ANKIB1: variants seen among roughly 807,000 people sequenced by gnomAD.
ANKIB1 encodes ankyrin repeat and IBR domain-containing protein 1.
Under a neutral mutation model 122.1 loss-of-function variants are expected in ANKIB1, and 43 were observed. The observed-to-expected ratio is 0.35, with a 90% confidence interval of 0.28 to 0.45. ANKIB1 has a LOEUF of 0.45. Ranked by LOEUF, ANKIB1 falls within the 20% of genes least tolerant of loss-of-function variation. The pLI is 1.00. For synonymous variants in ANKIB1, 390 were observed against 442.0 expected (o/e 0.88, Z 1.48); for missense variants, 992 against 1,329.5 (o/e 0.75, Z 3.95).
chr7:92,265,871 G>A (rs1031016587), intron 1 of ANKIB1, among the ~76,000 whole-genome samples: 1 of 152,222 alleles, frequency 6.6e-6, no homozygotes, highest in Non-Finnish European at 1.5e-5. Context: ...AGTACAAGAT[G>A]TCAAGTAGGC....
At chr7:92,284,180 GTTTT>G (rs1424979480) in intron 1 of ANKIB1, among the ~76,000 whole-genome samples, 1 of 152,144 alleles carries the variant, frequency 6.6e-6, no homozygotes, top group Non-Finnish European at 1.5e-5. Context: ...CTCAAGCAGA[GTTTT>G]TTTGTTTATA....
At chr7:92,295,567 A>G (rs1802337982) in intron 2 of ANKIB1, among the ~76,000 whole-genome samples, 1 of 152,178 alleles carries the variant, frequency 6.6e-6, no homozygotes, top group African/African-American at 2.4e-5. Context: ...GCTGTCAAAA[A>G]AATGCAGGGA....
chr7:92,261,390 G>GTTTGTTTTGTTTTGT (rs3041533), intron 1 of ANKIB1, among the ~76,000 whole-genome samples: 20 of 145,082 alleles, frequency 1.4e-4, no homozygotes, highest in East Asian at 4.3e-4. Flanking sequence ...TATGTTTTTT[G>GTTTGTTTTGTTTTGT]TTTGTTTTGT....
chr7:92,329,178 G>C (rs771836409), intron 5 of ANKIB1, among the ~76,000 whole-genome samples: 1 of 151,960 alleles, frequency 6.6e-6, no homozygotes, highest in Non-Finnish European at 1.5e-5. Flanking sequence ...ATGTTGGCCA[G>C]GCTGGTCTCT....
chr7:92,283,303 A>C (rs1802048729), intron 1 of ANKIB1, among the ~76,000 whole-genome samples: 1 of 152,200 alleles, frequency 6.6e-6, no homozygotes, highest in East Asian at 1.9e-4. Context: ...TCTCGGTTAA[A>C]ATATTTTTCT....
At chr7:92,252,811 G>C (rs1456071470) in intron 1 of ANKIB1, among the ~76,000 whole-genome samples, 1 of 151,772 alleles carries the variant, frequency 6.6e-6, no homozygotes, top group Non-Finnish European at 1.5e-5. Context: ...AGCTGTTCCT[G>C]GTTCATCTTG....
At chr7:92,250,344 G>C (rs1390403179) in intron 1 of ANKIB1, among the ~76,000 whole-genome samples, 1 of 152,208 alleles carries the variant, frequency 6.6e-6, no homozygotes, top group Non-Finnish European at 1.5e-5. Context: ...AGTGAGCCGA[G>C]ATCACGCCAT....
At chr7:92,390,619 T>C (rs1467197993) in intron 15 of ANKIB1, among the ~76,000 whole-genome samples, 4 of 152,210 alleles carry the variant, frequency 2.6e-5, no homozygotes, top group Non-Finnish European at 5.9e-5. Context: ...CTAAACTTTC[T>C]CCTGTTACAG....
chr7:92,396,838 C>T (rs1804906381), intron 18 of ANKIB1, among the ~76,000 whole-genome samples: 2 of 152,128 alleles, frequency 1.3e-5, no homozygotes, highest in Admixed American at 6.5e-5. Flanking sequence ...CCTAGTGAAG[C>T]ACTCAGTTAA....
At position 92,344,865 on chromosome 7, in the gene ANKIB1, A is replaced by G. The variant is rs1803508180; in HGVS notation, c.997-113A>G. ...AAAACTTTGAAAGAGGTAACTTTCAAAAACTTTTAATTACTGTACTAGTAT... is the reference window on the plus strand; with the variant it reads ...AAAACTTTGAAAGAGGTAACTTTCAGAAACTTTTAATTACTGTACTAGTAT... On this transcript the variant is annotated intron_variant, in intron 6 of 19. Transcript: ENST00000265742. 4 of 782,402 alleles carry G rather than the reference A, an allele frequency of 5.1e-6. No individual in the cohort carries two copies. In the East Asian group the frequency reaches 1.1e-4, roughly 22 times the overall value. 48.5% of individuals were successfully genotyped at this position (782,402 alleles called of 1,614,324 possible). A position where few individuals can be genotyped will look rare whatever the true frequency, so the allele number is the denominator to read the frequency against.
At chr7:92,394,303 T>C (rs554714983) in intron 17 of ANKIB1, among the ~76,000 whole-genome samples, 13 of 152,220 alleles carry the variant, frequency 8.5e-5, no homozygotes, top group Non-Finnish European at 1.9e-4. Flanking sequence ...TTCTGTATCC[T>C]TAACATTCTC....
intron 1 of ANKIB1, among the ~76,000 whole-genome samples, chr7:92,259,496 A>G (rs1290939439): frequency 6.6e-6 from 1 of 152,218 alleles, no homozygotes; most frequent in Non-Finnish European, 1.5e-5. Context: ...TGGGATGGGC[A>G]GGATGAAAAT....
In ANKIB1 at chr7:92,317,295, G is replaced by A. The variant is rs1455014107; in HGVS notation, c.487-2035G>A. ...CTCTTGGAGATCAGAATGACATTTTGATTCAGAGGCCTGGGCTTGGAGGGG... is the reference window on the plus strand; with the variant it reads ...CTCTTGGAGATCAGAATGACATTTTAATTCAGAGGCCTGGGCTTGGAGGGG... On this transcript the variant is annotated intron_variant, in intron 3 of 19. Transcript: ENST00000265742. 2.0e-5 allele frequency among the ~76,000 whole-genome samples: 3 copies of A among 152,138 alleles called. No individual in the cohort carries two copies. The South Asian group carries it at 6.2e-4, about 31-fold the overall frequency.
At chr7:92,337,960 GC>G (rs1443762586) in intron 5 of ANKIB1, among the ~76,000 whole-genome samples, 2 of 152,098 alleles carry the variant, frequency 1.3e-5, no homozygotes, top group Non-Finnish European at 2.9e-5. Context: ...AAAAATCTAG[GC>G]CTTTACATTC....
intron 8 of ANKIB1, 120 bp from the exon 9 acceptor site, chr7:92,352,330 AATTTCTTGAGACTGACAACTCCATGC>A (rs1803682668): frequency 2.5e-6 from 2 of 813,366 alleles, no homozygotes; most frequent in Non-Finnish European, 3.7e-6. Flanking sequence ...GTACTATTTA[AATTTCTTGAGACTGACAACTCCATGC>A]ATTTTATTTC....
chr7:92,261,324 G>A (rs1336949434), intron 1 of ANKIB1, among the ~76,000 whole-genome samples: 1 of 149,458 alleles, frequency 6.7e-6, no homozygotes, highest in Non-Finnish European at 1.5e-5. Context: ...ACTCCAGCCT[G>A]GGCGACAGAG....
intron 9 of ANKIB1, among the ~76,000 whole-genome samples, chr7:92,355,885 A>ATAG (rs1275577575): frequency 1.4e-5 from 2 of 145,034 alleles, no homozygotes; most frequent in Non-Finnish European, 3.0e-5. Flanking sequence ...AATAATAATA[A>ATAG]TAGTAATAGT....
chr7:92,256,263 A>G (rs1801443733), intron 1 of ANKIB1, among the ~76,000 whole-genome samples: 1 of 152,194 alleles, frequency 6.6e-6, no homozygotes, highest in Non-Finnish European at 1.5e-5. Flanking sequence ...CTTAGCAGGG[A>G]CTTTTCCTTA....
At chr7:92,271,991 A>T (rs1276423692) in intron 1 of ANKIB1, among the ~76,000 whole-genome samples, 1 of 152,212 alleles carries the variant, frequency 6.6e-6, no homozygotes, top group Non-Finnish European at 1.5e-5. Context: ...TCATGGAGAT[A>T]GAAAATGGAA....
Sources: allele counts gnomAD v4.1 joint callset (sites outside exome capture counted in the v4.1 genomes callset), GRCh38; gene constraint gnomAD v4.1.1; transcripts MANE v1.5; gene names NCBI Gene and HGNC (gene_info 2026-07-23, HGNC 2026-07-21).